Variants in NDST1 observed in about 807,000 individuals in gnomAD.
NDST1 encodes the protein bifunctional heparan sulfate N-deacetylase/N-sulfotransferase 1.
NDST1 carries 35 observed loss-of-function variants against 92.8 expected under a neutral mutation model. The observed-to-expected ratio is 0.38, with a 90% confidence interval of 0.29 to 0.50. NDST1 has a LOEUF of 0.50. NDST1 is among the 20% of genes least tolerant of loss of function. The probability of loss-of-function intolerance (pLI) is 0.94; values close to 1 mark genes in which losing one functional copy is unlikely to be tolerated. For missense variants in NDST1, 822 were observed against 1,182.7 expected (o/e 0.69, Z 4.47); for synonymous variants, 493 against 500.3 (o/e 0.99, Z 0.19).
chr5:150,498,736 A>T (rs1404179960), intron 1 of NDST1, among the ~76,000 whole-genome samples: 1 of 152,102 alleles, frequency 6.6e-6, no homozygotes, highest in South Asian at 2.1e-4. Flanking sequence ...AGCTCCAGGG[A>T]TGAAATTGGA....
chr5:150,547,354 A>G (rs1049294615), intron 11 of NDST1, among the ~76,000 whole-genome samples: 1 of 152,054 alleles, frequency 6.6e-6, no homozygotes, highest in Non-Finnish European at 1.5e-5. Flanking sequence ...GCTGTGCACC[A>G]TATTGCCCCA....
chr5:150,528,227 TACATCCTGGTGG>T lies in NDST1; in HGVS notation c.942_953del (p.Leu315_Ile318del), dbSNP rs1196719098. ...GCGCCTCTCCCTGCCATTGGACCGC[TACATCCTGGTGG>T]ACATTGATGACATCTTCGTGGGCAA... On this transcript the variant is annotated inframe_deletion, in exon 3 of 15. Transcript: ENST00000261797. The T allele has an allele frequency of 6.2e-7, 1 of 1,613,730 alleles. No individual in the cohort carries two copies.
chr5:150,545,644 T>G (rs1307536182), intron 11 of NDST1, among the ~76,000 whole-genome samples, 158 bp downstream of exon 11: 2 of 152,192 alleles, frequency 1.3e-5, no homozygotes, highest in African/African-American at 2.4e-5. Flanking sequence ...AATAGAGTCC[T>G]TGGTGGAGGA....
chr5:150,541,152 C>T (rs1158958095), intron 8 of NDST1, among the ~76,000 whole-genome samples: 5 of 152,338 alleles, frequency 3.3e-5, no homozygotes, highest in African/African-American at 9.6e-5. Flanking sequence ...CTTGTATCTA[C>T]TGTCTATAGC....
rs139282708 is a variant in NDST1 at position 150,534,883 on chromosome 5, C to T, written c.1113C>T (p.Asp371=). 74 of 1,614,140 alleles carry T rather than the reference C, an allele frequency of 4.6e-5. No homozygotes were observed. The highest frequency in any genetic ancestry group is 3.3e-4 in the African/African-American group (25 of 74,944). ...KFFHTGTNAE[D]AGDDLLLSYV... ...TTGCTGCAGGTACCAATGCTGAGGA[C>T]GCTGGGGATGATCTGCTGCTGTCGT... Residue 371 remains aspartate, a synonymous_variant, in exon 5 of 15, where the codon GAC becomes GAT. Transcript: ENST00000261797.
chr5:150,530,519 C>T (rs1177972308), intron 3 of NDST1, among the ~76,000 whole-genome samples: 3 of 151,508 alleles, frequency 2.0e-5, no homozygotes, highest in African/African-American at 7.3e-5. Context: ...TCCTATAAGC[C>T]CTGAATTTCT....
rs60359514 is a variant in NDST1 at position 150,555,382 on chromosome 5, A to C, written c.*2050A>C. The stretch of plus-strand genomic sequence containing the variant: ...GTTCTGAGCTGATTCCCTTTTCTCC[A>C]GTTCTCTGCTGGGATGAAGAAAGTT... On this transcript the variant is annotated 3_prime_UTR_variant, in exon 15 of 15. Coordinates refer to ENST00000261797, the MANE Select transcript of NDST1 (RefSeq NM_001543.5). 0.023 allele frequency: 3,580 copies of C among 152,902 alleles called. 143 individuals carry two copies. Among genetic ancestry groups the C allele is most frequent in the East Asian group, 0.16 (814 of 5,156 alleles). 9.5% of individuals were successfully genotyped at this position (152,902 alleles called of 1,614,324 possible). A position where few individuals can be genotyped will look rare whatever the true frequency, so the allele number is the denominator to read the frequency against.
intron 1 of NDST1, among the ~76,000 whole-genome samples, chr5:150,515,574 C>T: frequency 6.6e-6 from 1 of 152,092 alleles, no homozygotes; most frequent in East Asian, 1.9e-4. Context: ...GAGTAAGTGT[C>T]CCAAGGGGTC....
At chr5:150,535,069 G>T (rs2909809) in intron 5 of NDST1, 48 bp downstream of exon 5, 2 of 1,581,852 alleles carry the variant, frequency 1.3e-6, no homozygotes, top group South Asian at 2.3e-5. Context: ...TAAGGGCTGG[G>T]CTGGAGGTCC....
chr5:150,540,344 T>C, intron 8 of NDST1, 80 bp downstream of exon 8: 1 of 1,434,716 alleles, frequency 7.0e-7, no homozygotes, highest in Non-Finnish European at 9.4e-7. Context: ...AGATATGGAC[T>C]CAAGGCTCAG....
intron 2 of NDST1, among the ~76,000 whole-genome samples, chr5:150,523,459 G>T (rs1339230000): frequency 6.6e-6 from 1 of 152,224 alleles, no homozygotes; most frequent in Non-Finnish European, 1.5e-5. Flanking sequence ...ACGAAGGCAG[G>T]TGGCTAGCAG....
chr5:150,507,130 A>G (rs935603584), upstream of NDST1, among the ~76,000 whole-genome samples: 1 of 152,208 alleles, frequency 6.6e-6, no homozygotes, highest in Non-Finnish European at 1.5e-5. Context: ...AGAGGTGGCC[A>G]AAGCTGCTAA....
In NDST1 at chr5:150,531,144, C is replaced by T. The variant is rs372549042; in HGVS notation, c.1009-1801C>T. ...AGAGACATGAATGTCGCCTCATTAG[C>T]TTGTACAGTACTGGCTGTACAGCGC... is the stretch of plus-strand genomic sequence containing the variant. On this transcript the variant is annotated intron_variant, in intron 3 of 14. Coordinates refer to ENST00000261797, the MANE Select transcript of NDST1 (RefSeq NM_001543.5). Among the ~76,000 whole-genome samples the T allele has an allele frequency of 6.8e-4, 104 of 152,176 alleles. 2 individuals are homozygous for T. In the East Asian group the frequency reaches 8.5e-3, roughly 12 times the overall value.
Position 150,553,238 on chromosome 5 carries a change from A to T in NDST1, c.2555A>T (p.Tyr852Phe). The T allele has an allele frequency of 6.2e-7, 1 of 1,613,732 alleles. No homozygotes were observed. Residue 852 changes from tyrosine (Y) to phenylalanine (F), a missense_variant, in exon 15 of 15, where the codon TAC becomes TTC. Coordinates refer to ENST00000261797, the MANE Select transcript of NDST1 (RefSeq NM_001543.5). This position sits in a 1 kb window ranked among gnomAD's most constrained non-coding sequence, Gnocchi z 4.2. ...TCCCGAGCCTTCCTGAAGGACTATT[A>T]CCGGGACCACAACATCGAGCTCTCC... The part of the protein sequence containing the change: ...LDSRAFLKDY[Y>F]RDHNIELSKL...
chr5:150,537,462 G>A (rs1036663856), intron 6 of NDST1, among the ~76,000 whole-genome samples: 1 of 152,306 alleles, frequency 6.6e-6, no homozygotes, highest in East Asian at 1.9e-4. Flanking sequence ...GTCTTTTACA[G>A]TTGTTGATAA....
chr5:150,512,504 G>T (rs2344876), intron 1 of NDST1, among the ~76,000 whole-genome samples: 4,558 of 152,300 alleles, frequency 0.03, 393 homozygotes, highest in Admixed American at 0.16. Context: ...AGTAAATACA[G>T]GATGAGGAAA....
chr5:150,535,616 C>G (rs974525380), intron 5 of NDST1, 84 bp from the exon 6 acceptor site: 4 of 1,522,124 alleles, frequency 2.6e-6, no homozygotes, highest in Non-Finnish European at 2.7e-6. Flanking sequence ...CCTCTGATTT[C>G]TCTCTCCCAT....
chr5:150,551,622 GAC>G, intron 13 of NDST1, 129 bp from the exon 14 acceptor site: 6 of 1,152,142 alleles, frequency 5.2e-6, no homozygotes, highest in Non-Finnish European at 6.2e-6. Flanking sequence ...CATAGCTTCT[GAC>G]AGTCCATGTG....
At chr5:150,533,124 G>A in intron 4 of NDST1, 92 bp downstream of exon 4, 2 of 1,293,312 alleles carry the variant, frequency 1.5e-6, no homozygotes, top group Non-Finnish European at 2.2e-6. Flanking sequence ...GCAGCGGGTG[G>A]GTTTACTGGC....
Sources: gnomAD v4.1 joint callset for allele counts (sites outside exome capture counted in the v4.1 genomes callset) on GRCh38, gnomAD v4.1.1 for gene constraint, Gnocchi (gnomAD v3.1) non-coding constraint, MANE v1.5 for transcripts, NCBI Gene and HGNC (gene_info 2026-07-23, HGNC 2026-07-21) for gene names.